Variants in PCNX4 observed in about 807,000 individuals in gnomAD.
PCNX4 encodes the protein pecanex 4.
A neutral mutation model predicts 107.2 loss-of-function variants in PCNX4; 103 were observed. The observed-to-expected ratio is 0.96, with a 90% confidence interval of 0.82 to 1.13. PCNX4 has a LOEUF of 1.13. PCNX4 is among the 50% of genes most tolerant of loss of function. The pLI, the probability that PCNX4 is intolerant of heterozygous loss-of-function variation, is 0.00. For synonymous variants in PCNX4, 541 were observed against 481.7 expected, an observed-to-expected ratio of 1.12 and a Z score of -1.61; for missense variants, 1,528 against 1,379.4, an observed-to-expected ratio of 1.11 and a Z score of -1.71.
chr14:60,113,978 ACT>A (rs1343012555), intron 2 of PCNX4, among the ~76,000 whole-genome samples: 1 of 152,180 alleles, frequency 6.6e-6, no homozygotes, highest in Non-Finnish European at 1.5e-5. Flanking sequence ...AGTAGTCACT[ACT>A]TTATGAGGAA....
chr14:60,107,559 T>G, intron 1 of PCNX4, 27 bp from the exon 2 acceptor site: 1 of 1,241,414 alleles, frequency 8.1e-7, no homozygotes, highest in Non-Finnish European at 1.1e-6. Context: ...TTTCAAACAG[T>G]GACTTTTTTT....
chr14:60,132,191 C>G (rs1044286096), intron 10 of PCNX4, among the ~76,000 whole-genome samples: 2 of 152,190 alleles, frequency 1.3e-5, no homozygotes, highest in African/African-American at 2.4e-5. Flanking sequence ...CATTCTTTGG[C>G]TATGGCTGAG....
In PCNX4 at chr14:60,105,409, AT is replaced by A. The variant is rs137984423; in HGVS notation, c.-53-2174del. Reference sequence around the variant, plus strand: ...TGTGAGGTTGACAGTTCTGAAGGACATTTGGTAATTTGAAGAGATGTTAAAT... The same window carrying A: ...TGTGAGGTTGACAGTTCTGAAGGACATTGGTAATTTGAAGAGATGTTAAAT... On this transcript the variant is annotated intron_variant, in intron 1 of 10. Coordinates refer to ENST00000406854, the MANE Select transcript of PCNX4 (RefSeq NM_001330177.2). 3.3e-3 allele frequency among the ~76,000 whole-genome samples: 507 copies of A among 152,380 alleles called. 16 individuals carry two copies. In the East Asian group the frequency reaches 0.056, roughly 17 times the overall value.
intron 10 of PCNX4, among the ~76,000 whole-genome samples, chr14:60,130,138 GAC>G (rs1896128430): frequency 6.6e-6 from 1 of 152,006 alleles, no homozygotes; most frequent in South Asian, 2.1e-4. Context: ...AGGAGTTCAA[GAC>G]TAGCCTGGGC....
intron 1 of PCNX4, among the ~76,000 whole-genome samples, chr14:60,093,428 G>A (rs1231325051): frequency 1.3e-5 from 2 of 151,930 alleles, no homozygotes; most frequent in Admixed American, 6.6e-5. Flanking sequence ...TGCTTATTTT[G>A]GACATTTCAC....
intron 1 of PCNX4, among the ~76,000 whole-genome samples, chr14:60,100,172 A>G (rs956387777): frequency 6.6e-6 from 1 of 152,232 alleles, no homozygotes; most frequent in African/African-American, 2.4e-5. Flanking sequence ...ATTCGTAAGA[A>G]AAATGTTCAA....
rs780276075 is a variant in PCNX4, at chr14:60,133,970, G to C, written c.3268G>C (p.Gly1090Arg). ...LFSLGYDSNM[G>R]IYTGRVLSLQ... Reference sequence around the variant, plus strand: ...TCCTCCTACCCTTTTTACTTTAAAGGGAATTTACACTGGGAGAGTGCTTAG... The same window carrying C: ...TCCTCCTACCCTTTTTACTTTAAAGCGAATTTACACTGGGAGAGTGCTTAG... The change falls in exon 11 of 11, where the codon GGA becomes CGA. Residue 1090 changes from glycine (G) to arginine (R), a missense_variant and splice_region_variant. By Grantham distance (125) the Gly-to-Arg change is moderately radical. Coordinates refer to ENST00000406854, the MANE Select transcript of PCNX4 (RefSeq NM_001330177.2). 1.2e-6 allele frequency: 2 copies of C among 1,610,108 alleles called. No homozygotes were observed. The highest frequency in any genetic ancestry group is 1.3e-5 in the African/African-American group (1 of 74,820).
rs778692168 is a variant in PCNX4, at chr14:60,115,310, G to A, written c.1206G>A (p.Leu402=). ...GTTTGATGATATTACTTATAATACT[G>A]TGGATACTTAGAGAAATTCAAAGCG... ...GYGLMILLII[L]WILREIQSVY... is the part of the protein sequence containing the mutation. Residue 402 remains leucine, a synonymous_variant, in exon 4 of 11, where the codon CTG becomes CTA. Coordinates refer to ENST00000406854, the MANE Select transcript of PCNX4 (RefSeq NM_001330177.2). 2 of 1,607,938 alleles carry A rather than the reference G, an allele frequency of 1.2e-6. No homozygotes were observed. The highest frequency in any genetic ancestry group is 1.7e-5 in the Admixed American group (1 of 59,502).
chr14:60,147,327 T>A lies in PCNX4; in HGVS notation c.*13106T>A, dbSNP rs1896433270. The A allele has an allele frequency of 6.6e-6, 1 of 152,180 alleles. No individual in the cohort carries two copies. The highest frequency in any genetic ancestry group is 1.5e-5 in the Non-Finnish European group (1 of 68,040). The allele number at this position is 152,180 out of a possible 1,614,324, so 9.4% of individuals were successfully genotyped here. A position where few individuals can be genotyped will look rare whatever the true frequency, so the allele number is the denominator to read the frequency against. ...TCTAAGGATCTAATATACCGCATGG[T>A]GACTACAGTTAATAATACTGTATAG... On this transcript the variant is annotated 3_prime_UTR_variant, in exon 11 of 11. Transcript: ENST00000406854.
intron 1 of PCNX4, among the ~76,000 whole-genome samples, chr14:60,106,274 C>T (rs761392345): frequency 1.7e-4 from 26 of 152,092 alleles, no homozygotes; most frequent in Non-Finnish European, 2.4e-4. Flanking sequence ...ATCATATATG[C>T]GTATAACCTA....
At chr14:60,119,443 A>G (rs1473272697) in intron 7 of PCNX4, among the ~76,000 whole-genome samples, 2 of 152,314 alleles carry the variant, frequency 1.3e-5, no homozygotes, top group East Asian at 3.9e-4. Context: ...CTTTCTGACA[A>G]ACTCATTCTA....
At position 60,124,460 on chromosome 14, in the gene PCNX4, A is replaced by G. The variant is rs776701381; in HGVS notation, c.2289A>G (p.Val763=). Residue 763 remains valine, a synonymous_variant, in exon 9 of 11, where the codon GTA becomes GTG. Transcript: ENST00000406854. Reference sequence around the variant, plus strand: ...AATTTAAAGGTGACCTCATTAAAGTACTTGTGTGGATACTTGTTCAATACT... The same window carrying G: ...AATTTAAAGGTGACCTCATTAAAGTGCTTGTGTGGATACTTGTTCAATACT... ...LKEFKGDLIK[V]LVWILVQYCS... 3.3e-5 allele frequency: 53 copies of G among 1,613,634 alleles called. No individual in the cohort carries two copies. Among genetic ancestry groups the G allele is most frequent in the Non-Finnish European group, 4.0e-5 (47 of 1,179,744 alleles).
At chr14:60,121,372 C>A in intron 8 of PCNX4, 73 bp downstream of exon 8, 1 of 1,423,160 alleles carries the variant, frequency 7.0e-7, no homozygotes, top group Non-Finnish European at 9.6e-7. Flanking sequence ...ATGTTCACAT[C>A]AAACACTCAA....
rs1265617669 is a variant in PCNX4, at chr14:60,125,943, G to C, written c.3267+120G>C. The C allele has an allele frequency of 5.3e-5, 36 of 678,054 alleles. No homozygotes were observed. The Admixed American group carries it at 8.3e-4, about 16-fold the overall frequency. 42.0% of individuals were successfully genotyped at this position (678,054 alleles called of 1,614,324 possible). On this transcript the variant is annotated intron_variant, in intron 10 of 10. Coordinates refer to ENST00000406854, the MANE Select transcript of PCNX4 (RefSeq NM_001330177.2). ...TTATAGCTGTGATATATTAATTATA[G>C]TTTTAAGGCATTTGTAATCATGACT... is the stretch of plus-strand genomic sequence containing the variant.
intron 2 of PCNX4, chr14:60,110,342 A>G (rs1895717532): frequency 6.0e-6 from 1 of 167,142 alleles, no homozygotes; most frequent in African/African-American, 2.4e-5. Context: ...ACCTGTTTCA[A>G]CAAGTCAGCT....
At position 60,134,188 on chromosome 14, in the gene PCNX4, T is replaced by C. The variant is rs749209678; in HGVS notation, c.3486T>C (p.Tyr1162=). The C allele has an allele frequency of 3.7e-6, 6 of 1,613,720 alleles. No homozygotes were observed. The highest frequency in any genetic ancestry group is 4.2e-6 in the Non-Finnish European group (5 of 1,179,648). ...AAEPPLGYPI[Y]SSKPLHIHLY is the part of the protein sequence containing the mutation. The stretch of plus-strand genomic sequence containing the variant: ...AACCTCCCCTGGGATATCCGATTTA[T>C]TCTTCAAAACCTCTCCACATACATT... Residue 1162 remains tyrosine (Y), a synonymous_variant, in exon 11 of 11, where the codon TAT becomes TAC. Coordinates refer to ENST00000406854, the MANE Select transcript of PCNX4 (RefSeq NM_001330177.2).
chr14:60,127,334 T>C (rs1238242722), intron 10 of PCNX4, among the ~76,000 whole-genome samples: 1 of 152,066 alleles, frequency 6.6e-6, no homozygotes, highest in African/African-American at 2.4e-5. Context: ...TTTCAAGGAG[T>C]TCATGTTTAA....
rs150694253 is a variant in PCNX4, at chr14:60,113,229, G to A, written c.690-1471G>A. ...ATACATTATGAGGCAGAGCACATTA[G>A]TTGGCATAGTCCTGACATCTATGTG... On this transcript the variant is annotated intron_variant, in intron 2 of 10. Transcript: ENST00000406854. Among the ~76,000 whole-genome samples the A allele has an allele frequency of 2.9e-4, 44 of 152,328 alleles. No homozygotes were observed. The East Asian group carries it at 8.1e-3, about 28-fold the overall frequency.
At chr14:60,099,690 A>C (rs1452436069) in intron 1 of PCNX4, among the ~76,000 whole-genome samples, 1 of 152,216 alleles carries the variant, frequency 6.6e-6, no homozygotes, top group African/African-American at 2.4e-5. Flanking sequence ...AGAGTAACAC[A>C]TTTGGCCTAT....
Sources: gnomAD v4.1 joint callset for allele counts (sites outside exome capture counted in the v4.1 genomes callset) on GRCh38, gnomAD v4.1.1 for gene constraint, MANE v1.5 for transcripts, NCBI Gene and HGNC (gene_info 2026-07-23, HGNC 2026-07-21) for gene names.